KLHL1: variants seen among roughly 807,000 people sequenced by gnomAD.
KLHL1 encodes the protein kelch like family member 1.
KLHL1 carries 47 observed loss-of-function variants against 77.7 expected under a neutral mutation model. That is an observed-to-expected ratio of 0.60 (90% CI 0.48 to 0.77). The LOEUF is 0.77. Ranked by LOEUF, KLHL1 falls within the 30% of genes least tolerant of loss-of-function variation. The pLI, the probability that KLHL1 is intolerant of heterozygous loss-of-function variation, is 0.00. For missense variants in KLHL1, 925 were observed against 910.8 expected (o/e 1.02, Z -0.20); for synonymous variants, 360 against 325.2 (o/e 1.11, Z -1.15).
intron 6 of KLHL1, among the ~76,000 whole-genome samples, chr13:69,802,064 C>A (rs773986382): frequency 6.6e-6 from 1 of 151,966 alleles, no homozygotes; most frequent in East Asian, 1.9e-4. Context: ...CCCCTCCCTG[C>A]GTCCATGTGT....
In KLHL1 at chr13:69,996,910, ATTTTTTT is replaced by A. The variant is rs10549532; in HGVS notation, c.498-21115_498-21109del. 4.3e-3 allele frequency among the ~76,000 whole-genome samples: 307 copies of A among 71,256 alleles called. 1 individual carries two copies. Among genetic ancestry groups the A allele is most frequent in the African/African-American group, 0.015 (266 of 17,780 alleles). 46.7% of individuals were successfully genotyped at this position (71,256 alleles called of 152,430 possible). On this transcript the variant is annotated intron_variant, in intron 1 of 10. Coordinates refer to ENST00000377844, the MANE Select transcript of KLHL1 (RefSeq NM_020866.3). ...GAAAAGTTCTTATTTTATTCATTAA[ATTTTTTT>A]TTTTTTTTTTTTTTTTTTTTTTGGC...
At chr13:69,702,522 T>G (rs929900137) in intron 10 of KLHL1, among the ~76,000 whole-genome samples, 12 of 151,648 alleles carry the variant, frequency 7.9e-5, no homozygotes, top group East Asian at 1.9e-4. Flanking sequence ...TGATATTATT[T>G]CAGAGTGAAA....
intron 1 of KLHL1, among the ~76,000 whole-genome samples, chr13:70,068,169 A>G (rs999619102): frequency 5.9e-5 from 9 of 151,922 alleles, no homozygotes; most frequent in Non-Finnish European, 8.8e-5. Flanking sequence ...GTGAAAACCC[A>G]TCTCTACTAA....
intron 7 of KLHL1, among the ~76,000 whole-genome samples, chr13:69,789,627 C>T (rs1478604699): frequency 2.0e-5 from 3 of 151,526 alleles, no homozygotes; most frequent in African/African-American, 7.3e-5. Context: ...CATTTTTTTT[C>T]CTCTACTGTC....
intron 1 of KLHL1, among the ~76,000 whole-genome samples, chr13:69,984,979 C>G (rs528529974): frequency 6.6e-6 from 1 of 151,948 alleles, no homozygotes; most frequent in Non-Finnish European, 1.5e-5. Context: ...GGCATGGTGG[C>G]GGGCGCCTGT....
chr13:69,871,380 C>T, intron 5 of KLHL1, among the ~76,000 whole-genome samples: 1 of 152,068 alleles, frequency 6.6e-6, no homozygotes, highest in East Asian at 1.9e-4. Flanking sequence ...TTACTTTTCC[C>T]ACGATCTTGA....
intron 7 of KLHL1, among the ~76,000 whole-genome samples, chr13:69,784,378 A>T (rs149225965): frequency 0.11 from 16,184 of 152,230 alleles, 974 homozygotes; most frequent in African/African-American, 0.15. Context: ...CAATTAAAAG[A>T]CACAGACTAG....
At chr13:69,900,124 A>G (rs1233707591) in intron 4 of KLHL1, among the ~76,000 whole-genome samples, 2 of 152,154 alleles carry the variant, frequency 1.3e-5, no homozygotes, top group African/African-American at 4.8e-5. Context: ...TCTGGAATAG[A>G]TGAATACTCT....
chr13:69,873,262 T>C (rs1034494286), intron 5 of KLHL1, among the ~76,000 whole-genome samples: 2 of 152,186 alleles, frequency 1.3e-5, no homozygotes, highest in African/African-American at 4.8e-5. Flanking sequence ...CAAACACATA[T>C]TTATGCCTTT....
At chr13:69,971,764 T>A (rs914777056) in intron 2 of KLHL1, among the ~76,000 whole-genome samples, 1 of 152,070 alleles carries the variant, frequency 6.6e-6, no homozygotes, top group Non-Finnish European at 1.5e-5. Context: ...GGTTTATCTT[T>A]AATTCCTCAA....
chr13:69,813,225 CA>C (rs1877964768), intron 6 of KLHL1, among the ~76,000 whole-genome samples: 1 of 148,058 alleles, frequency 6.8e-6, no homozygotes, highest in African/African-American at 2.5e-5. Context: ...ATCGCAAGGA[CA>C]AAAAAACAAA....
At chr13:69,986,751 G>A (rs1270492408) in intron 1 of KLHL1, among the ~76,000 whole-genome samples, 1 of 151,922 alleles carries the variant, frequency 6.6e-6, no homozygotes, top group African/African-American at 2.4e-5. Flanking sequence ...TACTCTTAGA[G>A]ATGAGTTAGT....
At chr13:69,978,078 C>T (rs556362614) in intron 1 of KLHL1, among the ~76,000 whole-genome samples, 4 of 152,150 alleles carry the variant, frequency 2.6e-5, no homozygotes, top group African/African-American at 9.6e-5. Context: ...AATTACAACC[C>T]CAGAATATGG....
chr13:69,719,333 G>C (rs1276596032), intron 9 of KLHL1, 36 bp downstream of exon 9: 19 of 1,575,790 alleles, frequency 1.2e-5, no homozygotes, highest in Non-Finnish European at 1.5e-5. Context: ...GATTTGCACT[G>C]TCTCTTTCGC....
chr13:69,807,636 G>A (rs1178659372), intron 6 of KLHL1, among the ~76,000 whole-genome samples: 1 of 152,120 alleles, frequency 6.6e-6, no homozygotes, highest in Non-Finnish European at 1.5e-5. Flanking sequence ...TTGGTGACTG[G>A]TGGCAATGGC....
At chr13:70,097,096 TG>T (rs1387979298) in intron 1 of KLHL1, among the ~76,000 whole-genome samples, 1 of 152,020 alleles carries the variant, frequency 6.6e-6, no homozygotes, top group Non-Finnish European at 1.5e-5. Flanking sequence ...GGCTCAGTTC[TG>T]GGGTAATTAG....
At chr13:70,044,661 T>C (rs958988851) in intron 1 of KLHL1, among the ~76,000 whole-genome samples, 10 of 152,226 alleles carry the variant, frequency 6.6e-5, no homozygotes, top group Admixed American at 3.3e-4. Context: ...TTAGAAAAAC[T>C]GTATCCATTT....
At chr13:69,855,650 C>T in intron 5 of KLHL1, among the ~76,000 whole-genome samples, 1 of 151,324 alleles carries the variant, frequency 6.6e-6, no homozygotes, top group East Asian at 2.0e-4. Flanking sequence ...TCCTTCCTGC[C>T]GCCTCGTAAA....
intron 6 of KLHL1, among the ~76,000 whole-genome samples, chr13:69,804,846 T>C (rs993141): frequency 0.26 from 38,795 of 151,974 alleles, 5,029 homozygotes; most frequent in South Asian, 0.34. Context: ...GTATTGTCTT[T>C]TAAAAAGCAG....
Sources: allele counts gnomAD v4.1 joint callset (sites outside exome capture counted in the v4.1 genomes callset), GRCh38; gene constraint gnomAD v4.1.1; transcripts MANE v1.5; gene names NCBI Gene and HGNC (gene_info 2026-07-23, HGNC 2026-07-21).